PGAP2: variants seen among roughly 807,000 people sequenced by gnomAD.
The protein encoded by PGAP2 is post-GPI attachment to proteins 2, also known as acyltransferase PGAP2.
PGAP2 carries 21 observed loss-of-function variants against 33.2 expected under a neutral mutation model. That is an observed-to-expected ratio of 0.63 (90% CI 0.45 to 0.91). The LOEUF (loss-of-function observed/expected upper bound fraction) is 0.91, where lower values mean the gene tolerates loss of function less well. Ranked by LOEUF, PGAP2 falls within the 40% of genes least tolerant of loss-of-function variation. The pLI is 0.00. For synonymous variants in PGAP2, 161 were observed against 172.9 expected, an observed-to-expected ratio of 0.93 and a Z score of 0.54; for missense variants, 345 against 424.0, an observed-to-expected ratio of 0.81 and a Z score of 1.64.
chr11:3,825,211 G>C lies in PGAP2; in HGVS notation c.817+83G>C. 1.9e-6 allele frequency: 3 copies of C among 1,557,972 alleles called. No homozygotes were observed. In the Admixed American group the frequency reaches 5.0e-5, roughly 26 times the overall value. ...TTTTTGATAATGGGCAATGGTCTTG[G>C]GGACTGGCTGCCATTGTGTTCTCTG... On this transcript the variant is annotated intron_variant, in intron 6 of 6. Coordinates refer to ENST00000278243, the MANE Select transcript of PGAP2 (RefSeq NM_014489.4).
intron 3 of PGAP2, chr11:3,823,649 C>T: frequency 6.5e-7 from 1 of 1,542,524 alleles, no homozygotes; most frequent in Non-Finnish European, 8.7e-7. Flanking sequence ...GAGAAGGTGC[C>T]ACCATGCTGC....
upstream of PGAP2, among the ~76,000 whole-genome samples, chr11:3,804,048 A>C (rs1530893): frequency 0.79 from 119,279 of 151,596 alleles, 47,752 homozygotes; most frequent in Non-Finnish European, 0.88. Flanking sequence ...GCCTCAGCCT[A>C]CCAAAGTGCT....
At chr11:3,810,250 C>T (rs2085272139) in intron 1 of PGAP2, among the ~76,000 whole-genome samples, 1 of 152,178 alleles carries the variant, frequency 6.6e-6, no homozygotes, top group South Asian at 2.1e-4. Flanking sequence ...CTGCCTCTCT[C>T]ACTCCAGTCC....
upstream of PGAP2, among the ~76,000 whole-genome samples, chr11:3,804,381 C>T (rs1310952156): frequency 6.6e-6 from 1 of 151,940 alleles, no homozygotes; most frequent in Non-Finnish European, 1.5e-5. Flanking sequence ...TTAAAGCCAT[C>T]CAGGAAGGAT....
At chr11:3,810,298 G>A (rs1398144695) in intron 1 of PGAP2, among the ~76,000 whole-genome samples, 1 of 152,186 alleles carries the variant, frequency 6.6e-6, no homozygotes, top group East Asian at 1.9e-4. Context: ...CAGAGAGGAA[G>A]GGGTCAAGGA....
intron 5 of PGAP2, chr11:3,824,703 C>T: frequency 2.1e-6 from 2 of 952,172 alleles, no homozygotes; most frequent in South Asian, 1.8e-5. Context: ...TCCAGCGCCC[C>T]ACCCATGTAC....
chr11:3,799,205 G>A (rs769827231), intron 1 of PGAP2, among the ~76,000 whole-genome samples: 3 of 152,172 alleles, frequency 2.0e-5, no homozygotes, highest in Admixed American at 2.0e-4. Context: ...GACCTGTTTA[G>A]TGACTGAGAG....
intron 2 of PGAP2, among the ~76,000 whole-genome samples, chr11:3,815,850 C>T (rs2086883672): frequency 6.6e-6 from 1 of 152,174 alleles, no homozygotes; most frequent in Non-Finnish European, 1.5e-5. Context: ...CTTCTGTCAT[C>T]ATAGGATTTA....
At chr11:3,821,776 A>G (rs2134922383) in intron 3 of PGAP2, among the ~76,000 whole-genome samples, 1 of 151,292 alleles carries the variant, frequency 6.6e-6, no homozygotes, top group East Asian at 1.9e-4. Context: ...AAAAATGCAT[A>G]TTCTGGCTTG....
At chr11:3,819,336 G>A (rs2087935161) in intron 3 of PGAP2, among the ~76,000 whole-genome samples, 1 of 152,032 alleles carries the variant, frequency 6.6e-6, no homozygotes, top group Admixed American at 6.6e-5. Context: ...AGGGGCAAGA[G>A]TAGGGTATAA....
At chr11:3,813,473 AC>A (rs1382335725) in intron 2 of PGAP2, among the ~76,000 whole-genome samples, 1 of 152,060 alleles carries the variant, frequency 6.6e-6, no homozygotes, top group African/African-American at 2.4e-5. Flanking sequence ...AGCCTCAACC[AC>A]CAGGGCACAA....
At chr11:3,822,841 T>G in intron 3 of PGAP2, 1 of 864,736 alleles carries the variant, frequency 1.2e-6, no homozygotes, top group South Asian at 1.6e-5. Flanking sequence ...TCCCCCATCC[T>G]TTCACCTCTC....
intron 1 of PGAP2, among the ~76,000 whole-genome samples, chr11:3,800,306 C>G (rs1328625587): frequency 3.3e-5 from 5 of 152,148 alleles, no homozygotes; most frequent in Non-Finnish European, 7.3e-5. Flanking sequence ...AGGCTCTCTT[C>G]TACTGACTTA....
upstream of PGAP2, among the ~76,000 whole-genome samples, chr11:3,804,733 G>A (rs544529760): frequency 1.1e-4 from 16 of 151,748 alleles, no homozygotes; most frequent in South Asian, 6.2e-4. Flanking sequence ...GTGGAGTCTC[G>A]CTCTCTCACC....
At chr11:3,814,796 C>CT (rs1178147819) in intron 2 of PGAP2, among the ~76,000 whole-genome samples, 1 of 112,638 alleles carries the variant, frequency 8.9e-6, no homozygotes, top group African/African-American at 2.8e-5. Flanking sequence ...TTCTTTCTTT[C>CT]TTTCTTTCTT....
At position 3,801,578 on chromosome 11, in the gene PGAP2, C is replaced by T. The variant is rs112919535; in HGVS notation, c.139+3596C>T. 8.9e-3 allele frequency among the ~76,000 whole-genome samples: 1,270 copies of T among 143,502 alleles called. 14 individuals are homozygous for T. The highest frequency in any genetic ancestry group is 0.031 in the African/African-American group (1,206 of 38,286). 94.1% of individuals were successfully genotyped at this position (143,502 alleles called of 152,430 possible). ...AATGGTGTGAACCCAGGAGGCGGAG[C>T]TTGCAGTGAGCAGAGATCGCGCCAC... On this transcript the variant is annotated intron_variant, in intron 1 of 6. Transcript: ENST00000300730.
At chr11:3,797,823 CCT>C (rs1248315614) in exon 1 of PGAP2, 1 of 1,549,218 alleles carries the variant, frequency 6.5e-7, no homozygotes, top group Admixed American at 2.0e-5. Flanking sequence ...TCACACAGGG[CCT>C]CTCGAAGTGG....
chr11:3,805,579 A>G (rs566508422), upstream of PGAP2, among the ~76,000 whole-genome samples: 19 of 146,024 alleles, frequency 1.3e-4, no homozygotes, highest in South Asian at 1.6e-3. Context: ...TCCTAAATCA[A>G]TTTTACAGGC....
At chr11:3,798,479 G>A (rs1414396195) in intron 1 of PGAP2, among the ~76,000 whole-genome samples, 2 of 151,928 alleles carry the variant, frequency 1.3e-5, no homozygotes, top group African/African-American at 2.4e-5. Flanking sequence ...ACAGGCGTCC[G>A]CCACCAGGCC....
Sources: gnomAD v4.1 joint callset for allele counts (sites outside exome capture counted in the v4.1 genomes callset) on GRCh38, gnomAD v4.1.1 for gene constraint, MANE v1.5 for transcripts, NCBI Gene and HGNC (gene_info 2026-07-23, HGNC 2026-07-21) for gene names.